LEMD1: variants seen among roughly 807,000 people sequenced by gnomAD.
LEMD1 encodes LEM domain containing 1.
LEMD1 carries 18 observed loss-of-function variants against 17.4 expected under a neutral mutation model. That is an observed-to-expected ratio of 1.04 (90% CI 0.72 to 1.54). The LOEUF (loss-of-function observed/expected upper bound fraction) is 1.54, where lower values mean the gene tolerates loss of function less well. LEMD1 is among the 40% of genes most tolerant of loss of function. The pLI, the probability that LEMD1 is intolerant of heterozygous loss-of-function variation, is 0.00. For missense variants in LEMD1, 195 were observed against 210.4 expected, an observed-to-expected ratio of 0.93 and a Z score of 0.45; for synonymous variants, 88 against 77.8, an observed-to-expected ratio of 1.13 and a Z score of -0.69.
At position 205,419,655 on chromosome 1, in the gene LEMD1, G is replaced by A. The variant is rs192969014; in HGVS notation, c.83-303C>T. Among the ~76,000 whole-genome samples, 145 of 152,256 alleles carry A rather than the reference G, an allele frequency of 9.5e-4. No individual in the cohort carries two copies. In the Middle Eastern group the frequency reaches 0.01, roughly 11 times the overall value. ...TTTTTGTGTTTACTTTAGTAGAGAC[G>A]AGGTTTCGCCATGTTGGCCAGGCTG... is the stretch of plus-strand genomic sequence containing the variant. On this transcript the variant is annotated intron_variant, in intron 2 of 5. Transcript: ENST00000367153.
chr1:205,418,767 C>T (rs1012630787), intron 3 of LEMD1, among the ~76,000 whole-genome samples: 21 of 152,172 alleles, frequency 1.4e-4, no homozygotes, highest in Admixed American at 1.2e-3. Flanking sequence ...CCGCCTGCCT[C>T]GGCCTCCCAA....
At chr1:205,418,667 C>T (rs1665811446) in intron 3 of LEMD1, among the ~76,000 whole-genome samples, 2 of 152,108 alleles carry the variant, frequency 1.3e-5, no homozygotes, top group Admixed American at 1.3e-4. Context: ...AGGTGCGTGC[C>T]ATCACGCCCA....
rs1663683729 is a variant in LEMD1 at position 205,381,385 on chromosome 1, G to A, written c.*273C>T. ...AAGAAAAACGCCAGACAGTTTCCTT[G>A]TTTGACGCCTGCTCAAATATGGAAG... On this transcript the variant is annotated 3_prime_UTR_variant, in exon 6 of 6. Coordinates refer to ENST00000367153, the MANE Select transcript of LEMD1 (RefSeq NM_001199050.2). 2 of 466,834 alleles carry A rather than the reference G, an allele frequency of 4.3e-6. No individual in the cohort carries two copies. The highest frequency in any genetic ancestry group is 7.8e-6 in the Non-Finnish European group (2 of 257,722). 28.9% of individuals were successfully genotyped at this position (466,834 alleles called of 1,614,324 possible).
At chr1:205,413,631 C>T (rs1334043155) in intron 4 of LEMD1, among the ~76,000 whole-genome samples, 1 of 87,482 alleles carries the variant, frequency 1.1e-5, no homozygotes, top group East Asian at 3.3e-4. Flanking sequence ...TGAGGTGTTG[C>T]TATGTTGCCC....
intron 1 of LEMD1, among the ~76,000 whole-genome samples, chr1:205,434,199 T>C (rs1666168673): frequency 6.6e-6 from 1 of 150,978 alleles, no homozygotes; most frequent in Non-Finnish European, 1.5e-5. Context: ...TTTTTTTTTC[T>C]CTCTCTTTTG....
intron 1 of LEMD1, among the ~76,000 whole-genome samples, chr1:205,445,933 A>G (rs1666381433): frequency 1.3e-5 from 2 of 152,222 alleles, no homozygotes; most frequent in Admixed American, 6.5e-5. Context: ...ATTTCCACTA[A>G]AAATGGAACA....
intron 5 of LEMD1, among the ~76,000 whole-genome samples, chr1:205,382,438 T>G (rs1470898690): frequency 5.9e-5 from 9 of 151,876 alleles, no homozygotes; most frequent in Non-Finnish European, 1.2e-4. Flanking sequence ...AAAAATAAAT[T>G]TTTTTGTAGA....
At chr1:205,390,144 C>T (rs946823939) in intron 4 of LEMD1, among the ~76,000 whole-genome samples, 2 of 152,016 alleles carry the variant, frequency 1.3e-5, no homozygotes, top group African/African-American at 2.4e-5. Flanking sequence ...CACTTGAGGC[C>T]AGGAGTTCGA....
intron 1 of LEMD1, among the ~76,000 whole-genome samples, chr1:205,442,150 T>C (rs544576112): frequency 6.6e-6 from 1 of 152,226 alleles, no homozygotes; most frequent in Non-Finnish European, 1.5e-5. Context: ...GCGCCCTGCG[T>C]GGAGGTCAGG....
chr1:205,419,408 A>G (rs1231696683), intron 2 of LEMD1, 56 bp from the exon 3 acceptor site: 1 of 1,592,064 alleles, frequency 6.3e-7, no homozygotes, highest in Non-Finnish European at 8.6e-7. Flanking sequence ...ATATGAGCCT[A>G]CTAGGTTCAA....
intron 4 of LEMD1, among the ~76,000 whole-genome samples, chr1:205,396,343 C>CA (rs997007068): frequency 1.5e-4 from 22 of 151,640 alleles, no homozygotes; most frequent in African/African-American, 4.8e-4. Flanking sequence ...CTGGGGGAAG[C>CA]AAAAAATGGT....
chr1:205,395,550 T>G (rs1460894833), intron 4 of LEMD1, among the ~76,000 whole-genome samples: 2 of 148,258 alleles, frequency 1.3e-5, no homozygotes, highest in Admixed American at 1.4e-4. Flanking sequence ...GCCAAGATCA[T>G]GCCATTGCAA....
At chr1:205,420,749 C>T (rs1405577667) in intron 1 of LEMD1, among the ~76,000 whole-genome samples, 175 bp from the exon 2 acceptor site, 1 of 152,202 alleles carries the variant, frequency 6.6e-6, no homozygotes, top group African/African-American at 2.4e-5. Flanking sequence ...GGATTAGTTG[C>T]CTCCAATGTA....
chr1:205,445,655 G>A (rs1053999885), intron 1 of LEMD1, among the ~76,000 whole-genome samples: 1 of 152,202 alleles, frequency 6.6e-6, no homozygotes, highest in Admixed American at 6.5e-5. Context: ...TTGGGAGCTG[G>A]AGAGGTCAGA....
intron 4 of LEMD1, among the ~76,000 whole-genome samples, chr1:205,404,179 T>C (rs546595965): frequency 1.3e-5 from 2 of 152,332 alleles, no homozygotes; most frequent in African/African-American, 2.4e-5. Flanking sequence ...GTATATTCTG[T>C]TGATGTGGGG....
At chr1:205,386,904 C>G (rs1664058809) in intron 4 of LEMD1, 1 of 152,108 alleles carries the variant, frequency 6.6e-6, no homozygotes, top group Non-Finnish European at 1.5e-5. Flanking sequence ...TAAGCAAATT[C>G]TTTTTTTACT....
chr1:205,420,915 A>G (rs1248747601), intron 1 of LEMD1, among the ~76,000 whole-genome samples: 1 of 151,996 alleles, frequency 6.6e-6, no homozygotes, highest in East Asian at 1.9e-4. Flanking sequence ...CTCTGAGAAG[A>G]TAAGAAGTTA....
In LEMD1 at chr1:205,448,270, G is replaced by C. The variant is rs772417608; in HGVS notation, c.-39+1598C>G. Reference sequence around the variant, plus strand: ...CCCCTTGGTGGCTGGCTCCGAACCTGGTCCCATGGGAGGTGCAGCTGCGCA... The same window carrying C: ...CCCCTTGGTGGCTGGCTCCGAACCTCGTCCCATGGGAGGTGCAGCTGCGCA... On this transcript the variant is annotated intron_variant, in intron 1 of 3. Coordinates refer to the LEMD1 transcript ENST00000367154. The surrounding 1 kb of genome is among the most constrained non-coding windows in gnomAD (Gnocchi z 4.7). The C allele has an allele frequency of 9.7e-6, 5 of 512,888 alleles. No individual in the cohort carries two copies. Among genetic ancestry groups the C allele is most frequent in the Admixed American group, 2.0e-5 (1 of 50,204 alleles). 31.8% of individuals were successfully genotyped at this position (512,888 alleles called of 1,614,324 possible).
intron 4 of LEMD1, among the ~76,000 whole-genome samples, chr1:205,393,406 TGGCTCACAC>T (rs1664433235): frequency 6.7e-6 from 1 of 150,134 alleles, no homozygotes; most frequent in African/African-American, 2.5e-5. Flanking sequence ...CCGGGCACGG[TGGCTCACAC>T]CTGTAATCCC....
Sources: gnomAD v4.1 joint callset for allele counts (sites outside exome capture counted in the v4.1 genomes callset) on GRCh38, gnomAD v4.1.1 for gene constraint, Gnocchi (gnomAD v3.1) non-coding constraint, MANE v1.5 for transcripts, NCBI Gene and HGNC (gene_info 2026-07-23, HGNC 2026-07-21) for gene names.